BIN2: variants seen among roughly 807,000 people sequenced by gnomAD.
The protein encoded by BIN2 is breast cancer associated protein BRAP1.
BIN2 carries 43 observed loss-of-function variants against 67.9 expected under a neutral mutation model. The observed-to-expected ratio is 0.63, with a 90% confidence interval of 0.50 to 0.82. The LOEUF (loss-of-function observed/expected upper bound fraction) is 0.82, where lower values mean the gene tolerates loss of function less well. Among genes scored for constraint, BIN2 ranks in the 40% least tolerant of loss-of-function variants. BIN2 has a pLI of 0.00. For synonymous variants in BIN2, 244 were observed against 246.8 expected (o/e 0.99, Z 0.11); for missense variants, 581 against 671.6 (o/e 0.87, Z 1.49).
intron 7 of BIN2, among the ~76,000 whole-genome samples, chr12:51,297,612 T>G (rs1049814624): frequency 6.6e-5 from 10 of 152,034 alleles, no homozygotes; most frequent in Admixed American, 2.6e-4. Flanking sequence ...ACTCAGGATG[T>G]TCTGGGATCT....
chr12:51,316,237 C>A (rs1946125415), intron 1 of BIN2, among the ~76,000 whole-genome samples: 1 of 151,858 alleles, frequency 6.6e-6, no homozygotes, highest in Admixed American at 6.6e-5. Context: ...ATGCGCCCGG[C>A]CTTGGGAGGC....
At chr12:51,296,957 A>T in intron 8 of BIN2, 132 bp downstream of exon 8, 1 of 734,682 alleles carries the variant, frequency 1.4e-6, no homozygotes, top group Non-Finnish European at 2.3e-6. Flanking sequence ...AAGTGCTCTT[A>T]TTTCATCATG....
At chr12:51,304,673 T>C (rs924733505) in intron 2 of BIN2, among the ~76,000 whole-genome samples, 1 of 152,228 alleles carries the variant, frequency 6.6e-6, no homozygotes, top group Non-Finnish European at 1.5e-5. Context: ...AATTTGTTCA[T>C]TTGTTAATTG....
At chr12:51,305,458 T>C (rs561227348) in intron 2 of BIN2, among the ~76,000 whole-genome samples, 4 of 151,820 alleles carry the variant, frequency 2.6e-5, no homozygotes, top group South Asian at 4.2e-4. Context: ...ACCCTGTCCC[T>C]ACTAAAAATA....
intron 7 of BIN2, among the ~76,000 whole-genome samples, chr12:51,298,520 C>G (rs1945629871): frequency 6.6e-6 from 1 of 151,804 alleles, no homozygotes; most frequent in African/African-American, 2.4e-5. Flanking sequence ...GCCTGGGTGA[C>G]AGAATGAGAC....
chr12:51,316,158 A>G (rs1275039356), intron 1 of BIN2, among the ~76,000 whole-genome samples: 2 of 152,002 alleles, frequency 1.3e-5, no homozygotes, highest in Admixed American at 1.3e-4. Flanking sequence ...AAAATCTTCT[A>G]ATGGTTCCCC....
intron 3 of BIN2, 113 bp from the exon 4 acceptor site, chr12:51,302,893 G>C: frequency 8.6e-7 from 1 of 1,167,758 alleles, no homozygotes; most frequent in African/African-American, 1.5e-5. Context: ...AGAAGGTTTA[G>C]GTTATATAAG....
chr12:51,322,646 G>A (rs1380482007), intron 1 of BIN2: 1 of 151,298 alleles, frequency 6.6e-6, no homozygotes, highest in African/African-American at 2.4e-5. Context: ...CTTCTCTCCA[G>A]TACCTCCTGC....
Position 51,301,919 on chromosome 12 carries a change from T to C in BIN2, c.408+101A>G, listed in dbSNP as rs191722422. On this transcript the variant is annotated intron_variant, in intron 5 of 12. Transcript: ENST00000615107. ...CTCCTAACTTACCCAAACTTCATTCTTAATCGTGAGTTCTAATTCTACTTA... is the reference window on the plus strand; with the variant it reads ...CTCCTAACTTACCCAAACTTCATTCCTAATCGTGAGTTCTAATTCTACTTA... 3,733 of 816,538 alleles carry C rather than the reference T, an allele frequency of 4.6e-3. 18 individuals carry two copies. Among genetic ancestry groups the C allele is most frequent in the Non-Finnish European group, 5.9e-3 (2,945 of 497,776 alleles). 50.6% of individuals were successfully genotyped at this position (816,538 alleles called of 1,614,324 possible).
At chr12:51,305,968 C>T (rs1041465615) in intron 2 of BIN2, among the ~76,000 whole-genome samples, 10 of 151,490 alleles carry the variant, frequency 6.6e-5, no homozygotes, top group African/African-American at 2.4e-4. Context: ...TCCTGCATAG[C>T]TAGGACTACA....
In BIN2 at chr12:51,298,387, A is replaced by G. The variant is rs1229380147; in HGVS notation, c.602+816T>C. On this transcript the variant is annotated intron_variant, in intron 7 of 12. Coordinates refer to ENST00000615107, the MANE Select transcript of BIN2 (RefSeq NM_016293.4). ...CTCTGTCTCAAAACAAAACAAACAA[A>G]CAAACAAAAACAAAAATTAGTCAGG... Among the ~76,000 whole-genome samples, 9 of 151,694 alleles carry G rather than the reference A, an allele frequency of 5.9e-5. No individual in the cohort carries two copies. In the South Asian group the frequency reaches 1.9e-3, roughly 32 times the overall value.
chr12:51,295,578 ATATATAT>A (rs1194923688), intron 9 of BIN2, among the ~76,000 whole-genome samples: 32 of 59,494 alleles, frequency 5.4e-4, no homozygotes, highest in Non-Finnish European at 7.1e-4. Flanking sequence ...AAAAAAAAAA[ATATATAT>A]ATATATATAT....
chr12:51,314,863 T>C (rs1459211699), intron 1 of BIN2, among the ~76,000 whole-genome samples: 2 of 152,144 alleles, frequency 1.3e-5, no homozygotes, highest in African/African-American at 4.8e-5. Flanking sequence ...ATTGTCATTA[T>C]TTTATTTGAG....
chr12:51,295,098 A>G (rs920855473), intron 9 of BIN2, among the ~76,000 whole-genome samples: 2 of 151,720 alleles, frequency 1.3e-5, no homozygotes, highest in Non-Finnish European at 2.9e-5. Flanking sequence ...TTGCCCGGCT[A>G]ATTTTTTTTT....
intron 7 of BIN2, 178 bp from the exon 8 acceptor site, chr12:51,297,342 G>A (rs982373271): frequency 2.6e-5 from 14 of 546,320 alleles, no homozygotes; most frequent in Middle Eastern, 2.8e-4. Context: ...GCCAAGGTGG[G>A]CGTATCATGA....
At chr12:51,298,914 C>CA (rs1345093598) in intron 7 of BIN2, among the ~76,000 whole-genome samples, 4 of 149,952 alleles carry the variant, frequency 2.7e-5, no homozygotes, top group East Asian at 2.0e-4. Context: ...ACTAAAAATA[C>CA]AAAAAAAAAT....
chr12:51,301,909 A>C (rs1945732444), intron 5 of BIN2, 111 bp downstream of exon 5: 1 of 755,328 alleles, frequency 1.3e-6, no homozygotes, highest in Non-Finnish European at 2.2e-6. Context: ...AACTTACCCA[A>C]ACTTCATTCT....
At chr12:51,290,114 T>A (rs1234328004) in intron 10 of BIN2, among the ~76,000 whole-genome samples, 1 of 151,592 alleles carries the variant, frequency 6.6e-6, no homozygotes, top group Non-Finnish European at 1.5e-5. Flanking sequence ...AATTTTTTTT[T>A]AACTTTTTCT....
Position 51,281,430 on chromosome 12 carries a change from A to G in BIN2, c.*69T>C, listed in dbSNP as rs532801981. The G allele has an allele frequency of 1.3e-6, 2 of 1,506,754 alleles. No individual in the cohort carries two copies. Among genetic ancestry groups the G allele is most frequent in the Non-Finnish European group, 1.8e-6 (2 of 1,082,372 alleles). The allele number at this position is 1,506,754 out of a possible 1,614,324, so 93.3% of individuals were successfully genotyped here. On this transcript the variant is annotated 3_prime_UTR_variant, in exon 13 of 13. Coordinates refer to ENST00000615107, the MANE Select transcript of BIN2 (RefSeq NM_016293.4). ...GGATGCTGGCTCTTATATCCCTCTG[A>G]CCTATACCCTCTGGTTGAAGAGCTT...
Sources: allele counts gnomAD v4.1 joint callset (sites outside exome capture counted in the v4.1 genomes callset), GRCh38; gene constraint gnomAD v4.1.1; transcripts MANE v1.5; gene names NCBI Gene and HGNC (gene_info 2026-07-23, HGNC 2026-07-21).